The following GOSR1 variants were observed in gnomAD, a reference collection of about 807,000 sequenced individuals.
GOSR1 encodes the protein 28 kDa Golgi SNARE protein.
In GOSR1, 21 loss-of-function variants were observed where a neutral mutation model predicts 35.5. That is an observed-to-expected ratio of 0.59 (90% CI 0.42 to 0.85). The LOEUF (loss-of-function observed/expected upper bound fraction) is 0.85. GOSR1 is among the 40% of genes least tolerant of loss of function. GOSR1 has a pLI of 0.00. For synonymous variants in GOSR1, 94 were observed against 106.6 expected (o/e 0.88, Z 0.73); for missense variants, 285 against 309.6 (o/e 0.92, Z 0.60).
chr17:30,497,949 A>C (rs1470246643), intron 6 of GOSR1, among the ~76,000 whole-genome samples: 1 of 151,802 alleles, frequency 6.6e-6, no homozygotes, highest in African/African-American at 2.4e-5. Flanking sequence ...TCCCAGCTAC[A>C]CAGGAGGCTG....
chr17:30,478,943 A>T (rs1914144390), intron 1 of GOSR1: 1 of 152,244 alleles, frequency 6.6e-6, no homozygotes, highest in Admixed American at 6.5e-5. Flanking sequence ...GCAGCATGCT[A>T]TAATATTACA....
intron 6 of GOSR1, chr17:30,495,518 G>A: frequency 4.5e-6 from 2 of 446,668 alleles, no homozygotes; most frequent in South Asian, 3.2e-5. Flanking sequence ...AATGCCAGTG[G>A]TCATCACCAG....
chr17:30,485,714 A>G (rs1014122349), intron 4 of GOSR1, among the ~76,000 whole-genome samples: 27 of 152,204 alleles, frequency 1.8e-4, no homozygotes, highest in Non-Finnish European at 8.8e-5. Flanking sequence ...TAATTTTAAA[A>G]ACTGTTTTTA....
At chr17:30,486,376 G>T (rs1205384557) in intron 4 of GOSR1, among the ~76,000 whole-genome samples, 1 of 152,034 alleles carries the variant, frequency 6.6e-6, no homozygotes, top group East Asian at 1.9e-4. Flanking sequence ...AATTAGCGGG[G>T]CGTGGTGGTG....
chr17:30,520,188 T>C, intron 8 of GOSR1, 167 bp downstream of exon 8: 2 of 513,562 alleles, frequency 3.9e-6, no homozygotes. Context: ...GTTTATGCTC[T>C]TTAGTACCAT....
intron 6 of GOSR1, among the ~76,000 whole-genome samples, chr17:30,508,367 T>C (rs977481356): frequency 3.3e-5 from 5 of 152,238 alleles, no homozygotes; most frequent in African/African-American, 4.8e-5. Flanking sequence ...GAATATCTTA[T>C]GTTTATGCTC....
chr17:30,482,014 C>T (rs1285510843), intron 2 of GOSR1, among the ~76,000 whole-genome samples: 1 of 151,922 alleles, frequency 6.6e-6, no homozygotes, highest in Non-Finnish European at 1.5e-5. Flanking sequence ...ATATTTAAGA[C>T]AGTTACAAAG....
intron 8 of GOSR1, among the ~76,000 whole-genome samples, chr17:30,522,002 C>CCT (rs763927937): frequency 1.3e-5 from 2 of 152,002 alleles, no homozygotes; most frequent in African/African-American, 2.4e-5. Flanking sequence ...TTTTCTTCTC[C>CCT]CTCTCTCTCT....
intron 4 of GOSR1, among the ~76,000 whole-genome samples, chr17:30,489,163 C>A (rs1914868624): frequency 6.6e-6 from 1 of 152,102 alleles, no homozygotes; most frequent in Admixed American, 6.5e-5. Flanking sequence ...GTGGGTGGAA[C>A]TGTTGAGGTC....
At chr17:30,505,786 TG>T (rs1967378815) in intron 6 of GOSR1, among the ~76,000 whole-genome samples, 3 of 152,126 alleles carry the variant, frequency 2.0e-5, no homozygotes, top group Admixed American at 2.0e-4. Flanking sequence ...TGGAGTGCAG[TG>T]GCATGATCCC....
intron 5 of GOSR1, among the ~76,000 whole-genome samples, chr17:30,491,396 C>T (rs1221332155): frequency 1.3e-5 from 2 of 152,154 alleles, no homozygotes; most frequent in African/African-American, 2.4e-5. Context: ...TGGTGGCTCC[C>T]GCCTGTAATC....
Position 30,508,818 on chromosome 17 carries a change from C to T in GOSR1, c.510-2062C>T, listed in dbSNP as rs117117410. 3.9e-4 allele frequency among the ~76,000 whole-genome samples: 59 copies of T among 152,256 alleles called. 1 individual carries two copies. In the South Asian group the frequency reaches 4.4e-3, roughly 11 times the overall value. ...GAACAAGTAGGTTTTATTATCCTTG[C>T]TAGTCTACAGATGAGAAAACTGGGG... On this transcript the variant is annotated intron_variant, in intron 6 of 8. Coordinates refer to ENST00000451249, the MANE Select transcript of GOSR1 (RefSeq NM_001007025.2).
At chr17:30,482,059 A>G (rs765287944) in intron 2 of GOSR1, among the ~76,000 whole-genome samples, 35 of 152,116 alleles carry the variant, frequency 2.3e-4, no homozygotes, top group Non-Finnish European at 4.7e-4. Flanking sequence ...CCTATCTCCC[A>G]TTTTTAAAAA....
At chr17:30,497,114 G>C (rs1446337131) in intron 6 of GOSR1, among the ~76,000 whole-genome samples, 1 of 152,070 alleles carries the variant, frequency 6.6e-6, no homozygotes, top group Non-Finnish European at 1.5e-5. Context: ...TCTTGCTGGG[G>C]GCATTGGCTC....
intron 6 of GOSR1, among the ~76,000 whole-genome samples, chr17:30,504,655 T>C (rs1286495168): frequency 6.6e-6 from 1 of 152,238 alleles, no homozygotes; most frequent in African/African-American, 2.4e-5. Flanking sequence ...AAGATGTATG[T>C]ACTCATTACG....
intron 4 of GOSR1, chr17:30,485,022 C>G: frequency 4.2e-6 from 2 of 481,808 alleles, no homozygotes; most frequent in South Asian, 4.0e-5. Flanking sequence ...CATATACTTC[C>G]ACTATGGGAG....
At chr17:30,494,555 T>A (rs1966921927) in intron 6 of GOSR1, among the ~76,000 whole-genome samples, 1 of 152,204 alleles carries the variant, frequency 6.6e-6, no homozygotes, top group African/African-American at 2.4e-5. Context: ...AAGTATCTAG[T>A]TAATTTTGTA....
chr17:30,481,435 A>T, intron 2 of GOSR1, 178 bp downstream of exon 2: 2 of 430,366 alleles, frequency 4.6e-6, no homozygotes, highest in Non-Finnish European at 4.2e-6. Context: ...AATTCTCGAG[A>T]CTAGCATTTA....
intron 6 of GOSR1, among the ~76,000 whole-genome samples, chr17:30,509,931 A>T (rs1484692257): frequency 6.6e-6 from 1 of 152,228 alleles, no homozygotes; most frequent in African/African-American, 2.4e-5. Context: ...TAAGTTCTGA[A>T]TAGATGATAG....
Sources: allele counts gnomAD v4.1 joint callset (sites outside exome capture counted in the v4.1 genomes callset), GRCh38; gene constraint gnomAD v4.1.1; transcripts MANE v1.5; gene names NCBI Gene and HGNC (gene_info 2026-07-23, HGNC 2026-07-21).